The following RGS17 variants were observed in gnomAD, a reference collection of about 807,000 sequenced individuals.
RGS17 encodes regulator of G protein signaling 17, also known as regulator of G-protein signaling 17.
A neutral mutation model predicts 25.5 loss-of-function variants in RGS17; 12 were observed. That is an observed-to-expected ratio of 0.47 (90% CI 0.30 to 0.76). The LOEUF is 0.76. Ranked by LOEUF, RGS17 falls within the 30% of genes least tolerant of loss-of-function variation. RGS17 has a pLI of 0.07. For synonymous variants in RGS17, 71 were observed against 76.9 expected, an observed-to-expected ratio of 0.92 and a Z score of 0.40; for missense variants, 196 against 242.2, an observed-to-expected ratio of 0.81 and a Z score of 1.27.
chr6:153,024,957 G>A (rs1779284446), intron 3 of RGS17, among the ~76,000 whole-genome samples: 1 of 150,900 alleles, frequency 6.6e-6, no homozygotes, highest in Admixed American at 6.6e-5. Flanking sequence ...TTTTTCATCT[G>A]TCACTTGATT....
chr6:153,080,264 G>A lies in RGS17; in HGVS notation c.-25-36221C>T, dbSNP rs897597638. 8.5e-4 allele frequency among the ~76,000 whole-genome samples: 130 copies of A among 152,288 alleles called. 1 individual carries two copies. Among genetic ancestry groups the A allele is most frequent in the African/African-American group, 2.6e-3 (108 of 41,560 alleles). The stretch of plus-strand genomic sequence containing the variant: ...CAAAGTGCTGGGATTACAGGCGTGC[G>A]CCACCATGCCCAGCCTCTGTTTCTC... On this transcript the variant is annotated intron_variant, in intron 1 of 4. Transcript: ENST00000206262.
intron 1 of RGS17, 74 bp from the exon 2 acceptor site, chr6:153,044,117 C>T: frequency 1.3e-6 from 1 of 741,130 alleles, no homozygotes; most frequent in Non-Finnish European, 2.4e-6. Context: ...AAGGAAGGCT[C>T]ATTTCACTAA....
intron 2 of RGS17, among the ~76,000 whole-genome samples, chr6:153,029,169 A>T (rs147925440): frequency 3.7e-4 from 56 of 152,372 alleles, no homozygotes; most frequent in African/African-American, 1.3e-3. Flanking sequence ...TAAATGTTTA[A>T]CTATTCACTG....
At chr6:153,124,953 A>G (rs1331532794) in intron 1 of RGS17, among the ~76,000 whole-genome samples, 1 of 152,196 alleles carries the variant, frequency 6.6e-6, no homozygotes, top group Admixed American at 6.5e-5. Flanking sequence ...CACCAAAATA[A>G]CAGGCTCCCA....
intron 1 of RGS17, among the ~76,000 whole-genome samples, chr6:153,096,608 C>G (rs1037157903): frequency 1.3e-5 from 2 of 152,118 alleles, no homozygotes; most frequent in African/African-American, 4.8e-5. Context: ...AATTCAAAGA[C>G]TGTCACAGCT....
chr6:153,100,816 T>C (rs553077147), intron 1 of RGS17, among the ~76,000 whole-genome samples: 2 of 152,314 alleles, frequency 1.3e-5, no homozygotes, highest in Admixed American at 1.3e-4. Context: ...CGTAACCTAC[T>C]CTTGTGCCAA....
chr6:153,048,213 C>T (rs1776409261), intron 1 of RGS17, among the ~76,000 whole-genome samples: 1 of 152,188 alleles, frequency 6.6e-6, no homozygotes, highest in African/African-American at 2.4e-5. Context: ...GTTCTTCCCA[C>T]AGTTTCTCCA....
intron 1 of RGS17, among the ~76,000 whole-genome samples, chr6:153,049,913 T>C (rs1197773369): frequency 1.3e-5 from 2 of 152,276 alleles, no homozygotes; most frequent in Admixed American, 6.5e-5. Flanking sequence ...ATCAATAATA[T>C]AGAAGTCATA....
intron 1 of RGS17, among the ~76,000 whole-genome samples, chr6:153,069,746 G>GTGTGTGTGTT (rs1554239840): frequency 4.8e-5 from 7 of 146,810 alleles, no homozygotes; most frequent in Non-Finnish European, 9.2e-5. Context: ...CCTCGTGTGT[G>GTGTGTGTGTT]TGTGTGTGTG....
chr6:153,083,231 T>A (rs186336281), intron 1 of RGS17, among the ~76,000 whole-genome samples: 31 of 152,328 alleles, frequency 2.0e-4, no homozygotes, highest in Admixed American at 3.9e-4. Flanking sequence ...TCTAATTAAA[T>A]GTTTATCTGA....
At chr6:153,101,535 G>A (rs1055872213) in intron 1 of RGS17, among the ~76,000 whole-genome samples, 1 of 152,168 alleles carries the variant, frequency 6.6e-6, no homozygotes, top group Non-Finnish European at 1.5e-5. Context: ...AAATGGAACT[G>A]GAGACTGGTA....
In RGS17 at chr6:153,073,169, A is replaced by G. The variant is rs142071719; in HGVS notation, c.-25-29126T>C. Among the ~76,000 whole-genome samples, 874 of 152,324 alleles carry G rather than the reference A, an allele frequency of 5.7e-3. 13 individuals carry two copies. Among genetic ancestry groups the G allele is most frequent in the African/African-American group, 0.02 (836 of 41,584 alleles). On this transcript the variant is annotated intron_variant, in intron 1 of 4. Coordinates refer to ENST00000206262, the MANE Select transcript of RGS17 (RefSeq NM_012419.5). ...CCAATGGGCTTCTAATATATTTCAG[A>G]AAACAGTGTAAATGTTATTTCACTA...
At chr6:153,089,080 T>G (rs747930705) in intron 1 of RGS17, among the ~76,000 whole-genome samples, 25 of 152,160 alleles carry the variant, frequency 1.6e-4, no homozygotes, top group Non-Finnish European at 2.5e-4. Context: ...CAAACACTGT[T>G]TGGACTGTGC....
chr6:153,118,307 A>G (rs938114608), intron 1 of RGS17, among the ~76,000 whole-genome samples: 5 of 152,178 alleles, frequency 3.3e-5, no homozygotes, highest in Non-Finnish European at 7.3e-5. Context: ...TGCACACTTG[A>G]CCTTCAAGGC....
intron 1 of RGS17, among the ~76,000 whole-genome samples, chr6:153,129,862 C>T (rs928996900): frequency 5.3e-5 from 8 of 152,294 alleles, no homozygotes; most frequent in African/African-American, 1.9e-4. Flanking sequence ...GTCAATCGTC[C>T]CCGGGCGACA....
chr6:153,038,971 C>T (rs1370799407), intron 2 of RGS17, among the ~76,000 whole-genome samples: 1 of 152,156 alleles, frequency 6.6e-6, no homozygotes, highest in South Asian at 2.1e-4. Flanking sequence ...AAAAAAGAGA[C>T]AATTTTAGCT....
At chr6:153,054,034 C>T (rs1219982273) in intron 1 of RGS17, among the ~76,000 whole-genome samples, 9 of 51,852 alleles carry the variant, frequency 1.7e-4, no homozygotes, top group Admixed American at 6.0e-4. Context: ...AATATATATA[C>T]ATATATATGT....
intron 1 of RGS17, among the ~76,000 whole-genome samples, chr6:153,107,455 T>G (rs777280071): frequency 1.1e-4 from 17 of 152,244 alleles, no homozygotes; most frequent in Non-Finnish European, 1.9e-4. Context: ...ATACTTTATT[T>G]AAATATTTTA....
chr6:153,014,601 A>G (rs1779164518), intron 4 of RGS17, among the ~76,000 whole-genome samples: 1 of 152,134 alleles, frequency 6.6e-6, no homozygotes, highest in Non-Finnish European at 1.5e-5. Flanking sequence ...GATCGAGACC[A>G]TCCTGGCTAA....
Sources: allele counts gnomAD v4.1 joint callset (sites outside exome capture counted in the v4.1 genomes callset), GRCh38; gene constraint gnomAD v4.1.1; transcripts MANE v1.5; gene names NCBI Gene and HGNC (gene_info 2026-07-23, HGNC 2026-07-21).